The following LRRC17 variants were observed in gnomAD, a reference collection of about 807,000 sequenced individuals.
LRRC17 encodes the protein leucine rich repeat containing 17, also known as leucine-rich repeat-containing protein 17.
LRRC17 carries 33 observed loss-of-function variants against 41.5 expected under a neutral mutation model. The observed-to-expected ratio is 0.80, with a 90% CI of 0.60 to 1.06. LRRC17 has a LOEUF of 1.06. Ranked by LOEUF, LRRC17 falls within the 50% of genes least tolerant of loss-of-function variation. The probability of loss-of-function intolerance (pLI) is 0.00; values close to 1 mark genes in which losing one functional copy is unlikely to be tolerated. For missense variants in LRRC17, 491 were observed against 519.3 expected (o/e 0.95, Z 0.53); for synonymous variants, 192 against 197.0 (o/e 0.97, Z 0.21).
intron 1 of LRRC17, among the ~76,000 whole-genome samples, chr7:102,932,820 A>C (rs998493870): frequency 1.3e-5 from 2 of 151,998 alleles, no homozygotes; most frequent in African/African-American, 2.4e-5. Context: ...TGCTGCTCAG[A>C]CTGGTCTCAA....
At chr7:102,927,730 T>G (rs866377133) in intron 1 of LRRC17, among the ~76,000 whole-genome samples, 20 of 152,324 alleles carry the variant, frequency 1.3e-4, no homozygotes, top group Middle Eastern at 3.4e-3. Context: ...ACTACAGTAT[T>G]CAAGCTGTCA....
At chr7:102,933,281 A>G (rs1819578254) in intron 1 of LRRC17, 2 of 150,190 alleles carry the variant, frequency 1.3e-5, no homozygotes, top group African/African-American at 2.4e-5. Flanking sequence ...AAAAGGATAG[A>G]AAAAAAAAAG....
intron 1 of LRRC17, among the ~76,000 whole-genome samples, chr7:102,928,475 C>T (rs993471772): frequency 1.3e-5 from 2 of 152,120 alleles, no homozygotes; most frequent in Non-Finnish European, 2.9e-5. Context: ...TCCCAGTCTA[C>T]GTCTCAAAGG....
At chr7:102,917,045 C>T (rs1484382426) in intron 1 of LRRC17, among the ~76,000 whole-genome samples, 1 of 152,048 alleles carries the variant, frequency 6.6e-6, no homozygotes, top group African/African-American at 2.4e-5. Context: ...AAGACAAGGC[C>T]TACTCTGTAA....
chr7:102,929,942 C>A (rs1014387803), intron 1 of LRRC17, among the ~76,000 whole-genome samples: 1 of 150,566 alleles, frequency 6.6e-6, no homozygotes, highest in Non-Finnish European at 1.5e-5. Flanking sequence ...TATTAAAGGT[C>A]AATAAACAAA....
intron 1 of LRRC17, among the ~76,000 whole-genome samples, chr7:102,927,186 A>C (rs967725339): frequency 8.5e-5 from 13 of 152,236 alleles, no homozygotes; most frequent in African/African-American, 3.1e-4. Context: ...TATAGGTAAC[A>C]CTATATAAAA....
intron 1 of LRRC17, among the ~76,000 whole-genome samples, chr7:102,921,461 C>G (rs1271101717): frequency 2.0e-5 from 3 of 151,968 alleles, no homozygotes; most frequent in African/African-American, 7.3e-5. Context: ...GGGTGGATCA[C>G]CTGAGGTCAG....
At chr7:102,933,170 T>C (rs1224746465) in intron 1 of LRRC17, 1 of 151,904 alleles carries the variant, frequency 6.6e-6, no homozygotes, top group Non-Finnish European at 1.5e-5. Flanking sequence ...ACTGAAAAGG[T>C]AACATTTGAG....
intron 1 of LRRC17, among the ~76,000 whole-genome samples, chr7:102,915,822 T>C (rs1292361781): frequency 6.6e-6 from 1 of 152,178 alleles, no homozygotes; most frequent in Admixed American, 6.5e-5. Context: ...ACTGCTGTGA[T>C]TGTGAACTAT....
chr7:102,930,714 A>G lies in LRRC17; in HGVS notation c.-140-3060A>G, dbSNP rs190115799. ...TGAATATCCTCTGTTCCTAAAAGTC[A>G]GCATTCCGTAAGGCTCAACTTTAAG... On this transcript the variant is annotated intron_variant, in intron 1 of 3. Transcript: ENST00000339431. Among the ~76,000 whole-genome samples the G allele has an allele frequency of 7.9e-5, 12 of 152,238 alleles. No individual in the cohort carries two copies. In the East Asian group the frequency reaches 2.3e-3, roughly 29 times the overall value.
chr7:102,931,772 T>C, intron 1 of LRRC17: 2 of 1,021,824 alleles, frequency 2.0e-6, no homozygotes, highest in Non-Finnish European at 2.9e-6. Context: ...TTTGCTCTTT[T>C]CCACATTGAA....
chr7:102,940,360 C>A (rs1194237149), intron 3 of LRRC17, among the ~76,000 whole-genome samples: 1 of 151,874 alleles, frequency 6.6e-6, no homozygotes, highest in Non-Finnish European at 1.5e-5. Flanking sequence ...CAGGCACCCG[C>A]CACCACGCCC....
chr7:102,943,361 A>AT (rs1821841932), intron 3 of LRRC17, among the ~76,000 whole-genome samples: 1 of 150,660 alleles, frequency 6.6e-6, no homozygotes, highest in East Asian at 1.9e-4. Context: ...CCCAAAATAC[A>AT]TTTTTTAAAG....
intron 1 of LRRC17, among the ~76,000 whole-genome samples, chr7:102,921,150 T>A (rs1419962086): frequency 6.6e-6 from 1 of 152,034 alleles, no homozygotes; most frequent in Non-Finnish European, 1.5e-5. Flanking sequence ...AGACTCCGTC[T>A]CAAAACAAAG....
chr7:102,922,495 A>G (rs988898437), intron 1 of LRRC17, among the ~76,000 whole-genome samples: 6 of 152,198 alleles, frequency 3.9e-5, no homozygotes, highest in Non-Finnish European at 8.8e-5. Flanking sequence ...TGCATTTACT[A>G]TAAAATTTTA....
intron 1 of LRRC17, among the ~76,000 whole-genome samples, chr7:102,923,402 G>A (rs1817473095): frequency 1.3e-5 from 2 of 151,962 alleles, no homozygotes; most frequent in African/African-American, 4.8e-5. Context: ...CACACAGTTG[G>A]GAAAAAATGT....
rs1413431020 is a variant in LRRC17 at position 102,944,206 on chromosome 7, C to G, written c.929-4C>G. On this transcript the variant is annotated splice_region_variant and splice_polypyrimidine_tract_variant and intron_variant, in intron 3 of 3. Transcript: ENST00000339431. ...CAGGCTCAATAAATATTTTCTGTTT[C>G]CAGCCGCTTTTTTAGGGCTCACACA... The G allele has an allele frequency of 6.3e-7, 1 of 1,593,652 alleles. No individual in the cohort carries two copies. The highest frequency in any genetic ancestry group is 8.5e-7 in the Non-Finnish European group (1 of 1,171,938).
In LRRC17 at chr7:102,939,575, C is replaced by G; in HGVS notation, c.918C>G (p.Phe306Leu). The G allele has an allele frequency of 6.2e-7, 1 of 1,613,026 alleles. No homozygotes were observed. Among genetic ancestry groups the G allele is most frequent in the South Asian group, 1.1e-5 (1 of 90,876 alleles). ...KLNLSSNGIE[F>L]IDPAAFLGLT... ...ACCTCAGCAGCAATGGCATTGAATT[C>G]ATCGATCCTGGTAAGTTCCCCTGTA... The change falls in exon 3 of 4, where the codon TTC becomes TTG. Residue 306 changes from phenylalanine to leucine, a missense_variant. Coordinates refer to ENST00000339431, the MANE Select transcript of LRRC17 (RefSeq NM_001031692.3).
chr7:102,944,380 C>T lies in LRRC17; in HGVS notation c.1099C>T (p.His367Tyr), dbSNP rs1387938569. 1 of 1,614,050 alleles carries T rather than the reference C, an allele frequency of 6.2e-7. No homozygotes were observed. The highest frequency in any genetic ancestry group is 8.5e-7 in the Non-Finnish European group (1 of 1,179,956). The change falls in exon 4 of 4, where the codon CAC becomes TAC. Residue 367 changes from histidine to tyrosine, a missense_variant. By Grantham distance (83) the His-to-Tyr change is moderately conservative. Coordinates refer to ENST00000339431, the MANE Select transcript of LRRC17 (RefSeq NM_001031692.3). ...TCACTACCTCTACTACTGGTTAAAG[C>T]ACCACTACAATGTCCATTTTAATGG... ...NIHYLYYWLK[H>Y]HYNVHFNGLE... is the part of the protein sequence containing the mutation.
Sources: allele counts gnomAD v4.1 joint callset (sites outside exome capture counted in the v4.1 genomes callset), GRCh38; gene constraint gnomAD v4.1.1; transcripts MANE v1.5; gene names NCBI Gene and HGNC (gene_info 2026-07-23, HGNC 2026-07-21).